The following SOX5 variants were observed in gnomAD, a reference collection of about 807,000 sequenced individuals.
SOX5 encodes the protein transcription factor SOX-5.
In SOX5, 9 loss-of-function variants were observed where a neutral mutation model predicts 92.0. The ratio of observed to expected loss-of-function variants is 0.10; its 90% CI spans 0.06 to 0.17. The LOEUF (loss-of-function observed/expected upper bound fraction) is 0.17, where lower values mean the gene tolerates loss of function less well. Ranked by LOEUF, SOX5 falls within the 10% of genes least tolerant of loss-of-function variation. The probability of loss-of-function intolerance (pLI) is 1.00; values close to 1 mark genes in which losing one functional copy is unlikely to be tolerated. For synonymous variants in SOX5, 344 were observed against 336.3 expected, an observed-to-expected ratio of 1.02 and a Z score of -0.25; for missense variants, 642 against 944.5, an observed-to-expected ratio of 0.68 and a Z score of 4.20.
Position 23,543,451 on chromosome 12 carries a change from T to A in SOX5, c.1598-67A>T. On this transcript the variant is annotated intron_variant, in intron 12 of 14. Transcript: ENST00000451604. Reference sequence around the variant, plus strand: ...TTGTCAGCTCTTTTCCTTGCATTCCTATTTTTCAGTCTATTAAGATATCTG... The same window carrying A: ...TTGTCAGCTCTTTTCCTTGCATTCCAATTTTTCAGTCTATTAAGATATCTG... 3 of 1,227,318 alleles carry A rather than the reference T, an allele frequency of 2.4e-6. No homozygotes were observed. The South Asian group carries it at 4.0e-5, about 16-fold the overall frequency. The allele number at this position is 1,227,318 out of a possible 1,614,324, so 76.0% of individuals were successfully genotyped here.
intron 1 of SOX5, among the ~76,000 whole-genome samples, chr12:23,937,740 A>G (rs1452481641): frequency 2.0e-5 from 3 of 150,962 alleles, no homozygotes; most frequent in Non-Finnish European, 4.5e-5. Flanking sequence ...GAAGACTGAC[A>G]TAGAAGAGAT....
intron 1 of SOX5, among the ~76,000 whole-genome samples, chr12:24,429,507 G>A (rs1031696809): frequency 6.6e-6 from 1 of 151,918 alleles, no homozygotes; most frequent in African/African-American, 2.4e-5. Context: ...TGTGGATGGG[G>A]TGGGGGAAGA....
chr12:24,009,482 G>C (rs1195032844), intron 4 of SOX5, among the ~76,000 whole-genome samples: 4 of 152,112 alleles, frequency 2.6e-5, no homozygotes, highest in African/African-American at 9.7e-5. Flanking sequence ...TCAGATCTGA[G>C]AGCCACTGAA....
intron 1 of SOX5, among the ~76,000 whole-genome samples, chr12:24,469,478 T>C (rs531703155): frequency 6.6e-6 from 1 of 152,348 alleles, no homozygotes; most frequent in Non-Finnish European, 1.5e-5. Flanking sequence ...GTTGGGTTTC[T>C]CTCCCTTTTG....
Position 23,934,495 on chromosome 12 carries a change from T to G in SOX5, c.38+15069A>C, listed in dbSNP as rs145268281. 2.9e-3 allele frequency among the ~76,000 whole-genome samples: 432 copies of G among 149,074 alleles called. 1 individual carries two copies. Among genetic ancestry groups the G allele is most frequent in the African/African-American group, 0.01 (411 of 41,058 alleles). On this transcript the variant is annotated intron_variant, in intron 1 of 14. Coordinates refer to ENST00000451604, the MANE Select transcript of SOX5 (RefSeq NM_006940.6). ...ATTTATAATATATATGTCTAATATA[T>G]AAAATACAAATGATTATACAACATG...
intron 6 of SOX5, among the ~76,000 whole-genome samples, chr12:23,706,044 A>T (rs960538810): frequency 6.8e-6 from 1 of 147,166 alleles, no homozygotes; most frequent in Non-Finnish European, 1.5e-5. Context: ...TTATTGCTTT[A>T]AGTGAGATTA....
chr12:23,680,325 C>CAAAAAAAAAAAAA (rs57754255), intron 6 of SOX5, among the ~76,000 whole-genome samples: 3 of 48,386 alleles, frequency 6.2e-5, no homozygotes, highest in Non-Finnish European at 7.8e-5. Context: ...GACCTTGTCT[C>CAAAAAAAAAAAAA]AAAAAAAAAA....
chr12:23,640,920 C>T (rs747423226), intron 7 of SOX5, 23 bp from the exon 8 acceptor site: 64 of 1,511,644 alleles, frequency 4.2e-5, no homozygotes, highest in Admixed American at 5.4e-5. Flanking sequence ...ATAATAGAGG[C>T]GTCAGCACCT....
upstream of SOX5, among the ~76,000 whole-genome samples, chr12:23,953,270 A>G (rs1312873082): frequency 6.6e-6 from 1 of 152,122 alleles, no homozygotes; most frequent in Non-Finnish European, 1.5e-5. Context: ...TACAATGTTT[A>G]ATATTAAAAT....
intron 9 of SOX5, among the ~76,000 whole-genome samples, chr12:23,589,992 A>T (rs1390392879): frequency 1.3e-5 from 2 of 150,254 alleles, no homozygotes; most frequent in Admixed American, 6.6e-5. Flanking sequence ...TTCAAGGAGT[A>T]TGTGTTTGTG....
intron 10 of SOX5, among the ~76,000 whole-genome samples, chr12:23,569,797 G>A (rs763882278): frequency 1.4e-4 from 22 of 152,164 alleles, no homozygotes; most frequent in African/African-American, 2.9e-4. Flanking sequence ...CCCTACACAT[G>A]TTCTTTGACA....
intron 13 of SOX5, among the ~76,000 whole-genome samples, chr12:23,540,297 C>T (rs139501726): frequency 1.2e-3 from 174 of 150,978 alleles, no homozygotes; most frequent in Middle Eastern, 6.9e-3. Context: ...AGCACACCAG[C>T]ATGGCACATG....
intron 4 of SOX5, among the ~76,000 whole-genome samples, chr12:24,134,331 G>A (rs997948979): frequency 4.6e-5 from 7 of 152,142 alleles, no homozygotes; most frequent in African/African-American, 1.4e-4. Flanking sequence ...AGAGAACACT[G>A]TGTGTGAGGA....
At chr12:24,021,491 G>C (rs1954282102) in intron 4 of SOX5, among the ~76,000 whole-genome samples, 1 of 152,120 alleles carries the variant, frequency 6.6e-6, no homozygotes, top group Non-Finnish European at 1.5e-5. Context: ...ACACCAACGA[G>C]CTATTAATGG....
intron 6 of SOX5, among the ~76,000 whole-genome samples, chr12:23,725,049 T>A (rs989233128): frequency 1.4e-4 from 22 of 152,148 alleles, no homozygotes; most frequent in Non-Finnish European, 2.9e-4. Context: ...AGTTGTGAGA[T>A]GTGAAAGAAT....
At chr12:24,012,702 C>T (rs1953092072) in intron 4 of SOX5, among the ~76,000 whole-genome samples, 1 of 152,106 alleles carries the variant, frequency 6.6e-6, no homozygotes, top group Non-Finnish European at 1.5e-5. Context: ...GATGAGAAAT[C>T]AGCAGGTGGC....
chr12:24,280,265 G>A (rs1169621711), intron 2 of SOX5, among the ~76,000 whole-genome samples: 1 of 152,120 alleles, frequency 6.6e-6, no homozygotes, highest in East Asian at 1.9e-4. Context: ...GGAAAGATTG[G>A]TGGCTGCAAA....
At position 23,924,359 on chromosome 12, in the gene SOX5, C is replaced by T. The variant is rs1166385157; in HGVS notation, c.38+25205G>A. On this transcript the variant is annotated intron_variant, in intron 1 of 14. Transcript: ENST00000451604. ...TTTTTTTTACAGACCTAGGACCAGA[C>T]TTTATCATCAAGAAATTACACAAGG... Among the ~76,000 whole-genome samples the T allele has an allele frequency of 2.6e-5, 4 of 152,156 alleles. No individual in the cohort carries two copies. The East Asian group carries it at 7.7e-4, about 29-fold the overall frequency.
At chr12:23,848,390 A>G (rs1204105947) in intron 2 of SOX5, among the ~76,000 whole-genome samples, 6 of 152,236 alleles carry the variant, frequency 3.9e-5, no homozygotes, top group East Asian at 1.9e-4. Context: ...TTCTAAACTC[A>G]GTTGCTGCAG....
Sources: gnomAD v4.1 joint callset for allele counts (sites outside exome capture counted in the v4.1 genomes callset) on GRCh38, gnomAD v4.1.1 for gene constraint, MANE v1.5 for transcripts, NCBI Gene and HGNC (gene_info 2026-07-23, HGNC 2026-07-21) for gene names.